The following C10orf105 variants were observed in gnomAD, a reference collection of about 807,000 sequenced individuals.
C10orf105 encodes uncharacterized protein C10orf105.
A neutral mutation model predicts 0.6 loss-of-function variants in C10orf105; 2 were observed. The observed-to-expected ratio is 3.18, with a 90% CI of 1.30 to 10.01. C10orf105 has a LOEUF of 10.01. Among genes scored for constraint, C10orf105 ranks in the 30% most tolerant of loss-of-function variants. The probability of loss-of-function intolerance (pLI) is 0.04; values close to 1 mark genes in which losing one functional copy is unlikely to be tolerated. For missense variants in C10orf105, 209 were observed against 191.4 expected, an observed-to-expected ratio of 1.09 and a Z score of -0.54; for synonymous variants, 95 against 82.4, an observed-to-expected ratio of 1.15 and a Z score of -0.83.
rs377614198 is a variant in C10orf105, at chr10:71,725,366, A to T, written c.-5-9024T>A. 3.1e-5 allele frequency: 50 copies of T among 1,614,036 alleles called. No homozygotes were observed. The African/African-American group carries it at 5.7e-4, about 18-fold the overall frequency. ...GGTGTTCCAGGGGGTCTGTCCCTCC[A>T]CACAGGTAACCATGGCAACAACTTC... On this transcript the variant is annotated intron_variant, in intron 1 of 1. Transcript: ENST00000398786.
chr10:71,728,861 C>A (rs954940978), intron 1 of C10orf105, among the ~76,000 whole-genome samples: 6 of 152,154 alleles, frequency 3.9e-5, no homozygotes, highest in Non-Finnish European at 7.4e-5. Flanking sequence ...ATGTCACCAC[C>A]CCCGGCTAAT....
chr10:71,736,180 T>G (rs1020098688), intron 1 of C10orf105, among the ~76,000 whole-genome samples: 8 of 152,330 alleles, frequency 5.3e-5, no homozygotes, highest in African/African-American at 1.9e-4. Flanking sequence ...ATTTCCACAG[T>G]GCTTTGCCCT....
chr10:71,725,895 G>A (rs1866787105), intron 1 of C10orf105, among the ~76,000 whole-genome samples: 1 of 152,126 alleles, frequency 6.6e-6, no homozygotes, highest in South Asian at 2.1e-4. Context: ...GAAAACTGAG[G>A]CACAGAGAAG....
chr10:71,735,823 G>C (rs1839547999), intron 1 of C10orf105, among the ~76,000 whole-genome samples: 1 of 152,192 alleles, frequency 6.6e-6, no homozygotes, highest in Non-Finnish European at 1.5e-5. Context: ...GGCTGTGATG[G>C]GCAAGAAGTC....
chr10:71,729,482 C>G (rs537502741), intron 1 of C10orf105, among the ~76,000 whole-genome samples: 1 of 152,188 alleles, frequency 6.6e-6, no homozygotes, highest in Non-Finnish European at 1.5e-5. Flanking sequence ...TTGCTCTCCA[C>G]GCCCATCAAT....
Position 71,715,818 on chromosome 10 carries a change from T to C in C10orf105, c.*118A>G. 3 of 988,630 alleles carry C rather than the reference T, an allele frequency of 3.0e-6. No individual in the cohort carries two copies. In the South Asian group the frequency reaches 6.4e-5, roughly 21 times the overall value. 61.2% of individuals were successfully genotyped at this position (988,630 alleles called of 1,614,324 possible). ...CATGCAAGGAGCTTCGGGGGGTGAG[T>C]GTGTGTCCCAGACTGCTTGGGCCAC... On this transcript the variant is annotated 3_prime_UTR_variant, in exon 2 of 2. Transcript: ENST00000441508.
chr10:71,734,799 C>T (rs1839509212), intron 1 of C10orf105: 1 of 523,076 alleles, frequency 1.9e-6, no homozygotes, highest in Non-Finnish European at 3.7e-6. Context: ...CTCCCAGTGC[C>T]TCCACTCTCA....
chr10:71,732,168 C>T lies in C10orf105; in HGVS notation c.-6+5560G>A, dbSNP rs1839412479. ...CCTTCAACCAGGGCTTCTGCAGCGT[C>T]TACATCACTCTGCTCAACGAGCTGG... On this transcript the variant is annotated intron_variant, in intron 1 of 1. Coordinates refer to the C10orf105 transcript ENST00000398786. 1 of 1,614,000 alleles carries T rather than the reference C, an allele frequency of 6.2e-7. No individual in the cohort carries two copies. The highest frequency in any genetic ancestry group is 8.5e-7 in the Non-Finnish European group (1 of 1,179,862).
At chr10:71,725,667 G>A in intron 1 of C10orf105, 7 of 965,782 alleles carry the variant, frequency 7.2e-6, no homozygotes, top group Non-Finnish European at 1.0e-5. Flanking sequence ...AGGGTTCGGT[G>A]ACAGGTGCCC....
chr10:71,712,522 G>A lies in C10orf105; in HGVS notation c.*3414C>T, dbSNP rs1200184147. The A allele has an allele frequency of 3.9e-6, 3 of 767,870 alleles. No homozygotes were observed. In the East Asian group the frequency reaches 8.1e-5, roughly 21 times the overall value. 47.6% of individuals were successfully genotyped at this position (767,870 alleles called of 1,614,324 possible). A position where few individuals can be genotyped will look rare whatever the true frequency, so the allele number is the denominator to read the frequency against. ...GTTAGTGTTATTCCTAAGCTAAAAA[G>A]GAAGTCACCCCTTGCAAAGGCTAGG... On this transcript the variant is annotated 3_prime_UTR_variant, in exon 2 of 2. Coordinates refer to ENST00000441508, the MANE Select transcript of C10orf105 (RefSeq NM_001164375.3).
chr10:71,730,571 G>A (rs1199894992), intron 1 of C10orf105: 5 of 1,613,918 alleles, frequency 3.1e-6, no homozygotes, highest in Non-Finnish European at 4.2e-6. Flanking sequence ...TGGAACGTCA[G>A]TCATCGTGGT....
chr10:71,735,360 A>G (rs971831156), intron 1 of C10orf105, among the ~76,000 whole-genome samples: 4 of 152,146 alleles, frequency 2.6e-5, no homozygotes, highest in Admixed American at 6.5e-5. Context: ...TGAGGTCAGA[A>G]GAGCCAGACA....
Position 71,715,670 on chromosome 10 carries a change from G to A in C10orf105, c.*266C>T. 3.0e-6 allele frequency: 1 copy of A among 334,340 alleles called. No homozygotes were observed. 20.7% of individuals were successfully genotyped at this position (334,340 alleles called of 1,614,324 possible). A position where few individuals can be genotyped will look rare whatever the true frequency, so the allele number is the denominator to read the frequency against. On this transcript the variant is annotated 3_prime_UTR_variant, in exon 2 of 2. Coordinates refer to ENST00000441508, the MANE Select transcript of C10orf105 (RefSeq NM_001164375.3). ...TACCCTGTGGAGCCTCAGGCCAAAG[G>A]CCCAGATGACCACGAGTGCACATCT...
chr10:71,720,420 AACACACACACACAC>A (rs57346519), upstream of C10orf105, among the ~76,000 whole-genome samples: 2 of 145,750 alleles, frequency 1.4e-5, no homozygotes, highest in Non-Finnish European at 3.0e-5. Context: ...CTCTTTCCAA[AACACACACACACAC>A]ACACACACAC....
Position 71,715,660 on chromosome 10 carries a change from C to A in C10orf105, c.*276G>T, listed in dbSNP as rs896773831. The A allele has an allele frequency of 1.6e-5, 5 of 317,866 alleles. No homozygotes were observed. Among genetic ancestry groups the A allele is most frequent in the Non-Finnish European group, 2.9e-5 (5 of 173,528 alleles). 19.7% of individuals were successfully genotyped at this position (317,866 alleles called of 1,614,324 possible). A position where few individuals can be genotyped will look rare whatever the true frequency, so the allele number is the denominator to read the frequency against. ...CCCCAGGTTGTACCCTGTGGAGCCT[C>A]AGGCCAAAGGCCCAGATGACCACGA... On this transcript the variant is annotated 3_prime_UTR_variant, in exon 2 of 2. Coordinates refer to ENST00000441508, the MANE Select transcript of C10orf105 (RefSeq NM_001164375.3).
chr10:71,722,062 C>G (rs1255888631), upstream of C10orf105, among the ~76,000 whole-genome samples: 1 of 152,242 alleles, frequency 6.6e-6, no homozygotes, highest in Non-Finnish European at 1.5e-5. Flanking sequence ...CCATCCCCAT[C>G]TTCTCTGCAG....
At chr10:71,726,047 C>T (rs571188716) in intron 1 of C10orf105, among the ~76,000 whole-genome samples, 88 of 152,326 alleles carry the variant, frequency 5.8e-4, no homozygotes, top group Non-Finnish European at 1.1e-3. Flanking sequence ...CCAGCCTTAT[C>T]TGTGCAGCCA....
At chr10:71,731,915 C>A in intron 1 of C10orf105, 1 of 1,513,686 alleles carries the variant, frequency 6.6e-7, no homozygotes, top group Non-Finnish European at 8.9e-7. Flanking sequence ...ATGGGTGTGG[C>A]AGCTTGAGAA....
chr10:71,729,291 G>T (rs1366061284), intron 1 of C10orf105, among the ~76,000 whole-genome samples: 1 of 152,202 alleles, frequency 6.6e-6, no homozygotes, highest in African/African-American at 2.4e-5. Flanking sequence ...AGCAAACCCT[G>T]AGACAAGGAT....
Sources: gnomAD v4.1 joint callset for allele counts (sites outside exome capture counted in the v4.1 genomes callset) on GRCh38, gnomAD v4.1.1 for gene constraint, MANE v1.5 for transcripts, NCBI Gene and HGNC (gene_info 2026-07-23, HGNC 2026-07-21) for gene names.